Variants in RUFY4 observed in about 807,000 individuals in gnomAD.
RUFY4 encodes the protein RUN and FYVE domain-containing protein 4.
In RUFY4, 73 loss-of-function variants were observed where a neutral mutation model predicts 69.0. The ratio of observed to expected loss-of-function variants is 1.06; its 90% CI spans 0.88 to 1.29. The LOEUF (loss-of-function observed/expected upper bound fraction) is 1.29, where lower values mean the gene tolerates loss of function less well. Ranked by LOEUF, RUFY4 falls within the 50% of genes most tolerant of loss-of-function variation. RUFY4 has a pLI of 0.00. For synonymous variants in RUFY4, 287 were observed against 271.8 expected (o/e 1.06, Z -0.55); for missense variants, 770 against 705.6 (o/e 1.09, Z -1.03).
At chr2:218,066,014 G>T (rs1184543376), upstream of RUFY4, among the ~76,000 whole-genome samples, 1 of 151,952 alleles carries the variant, frequency 6.6e-6, no homozygotes, top group Admixed American at 6.6e-5. Context: ...GACAAGGGGG[G>T]TGGGGAAGGG....
intron 3 of RUFY4, chr2:218,061,044 T>C: frequency 1.5e-6 from 1 of 679,080 alleles, no homozygotes; most frequent in Non-Finnish European, 2.8e-6. Context: ...GTTGACTTCC[T>C]TCAGGAGCTA....
chr2:218,056,932 G>A, intron 2 of RUFY4, among the ~76,000 whole-genome samples: 1 of 152,134 alleles, frequency 6.6e-6, no homozygotes, highest in East Asian at 1.9e-4. Context: ...CTAAAAATTA[G>A]CCAGGCATGG....
rs116710266 is a variant in RUFY4, at chr2:218,089,993, A to G, written c.1655A>G (p.Tyr552Cys). 3,435 of 1,569,132 alleles carry G rather than the reference A, an allele frequency of 2.2e-3. 87 individuals carry two copies. In the African/African-American group the frequency reaches 0.04, roughly 18 times the overall value. Residue 552 changes from tyrosine (Y) to cysteine (C), a missense_variant, in exon 11 of 11, where the codon TAC becomes TGC. Coordinates refer to ENST00000344321, the Ensembl canonical transcript of RUFY4. ...CTCTGCCATGCTTGCTCCATGGATT[A>G]CAAGAAGAGAGACCGCTGCTGCCCA...
chr2:218,073,255 A>G (rs1309804023), exon 5 of RUFY4: 9 of 1,551,446 alleles, frequency 5.8e-6, no homozygotes, highest in South Asian at 1.2e-5. Context: ...AATGGTATGG[A>G]CCCCGGAGCC....
chr2:218,039,345 G>C (rs1959026923), intron 2 of RUFY4, among the ~76,000 whole-genome samples: 1 of 152,192 alleles, frequency 6.6e-6, no homozygotes, highest in African/African-American at 2.4e-5. Flanking sequence ...CCTGTGGTAT[G>C]AGTGTGTGAC....
At chr2:218,067,427 C>T (rs563628540), upstream of RUFY4, among the ~76,000 whole-genome samples, 1 of 152,320 alleles carries the variant, frequency 6.6e-6, no homozygotes, top group Admixed American at 6.5e-5. Context: ...GGGATCAGCA[C>T]CCAGTAGATG....
exon 3 of RUFY4, chr2:218,072,447 G>C: frequency 6.5e-7 from 1 of 1,537,374 alleles, no homozygotes; most frequent in Non-Finnish European, 8.7e-7. Flanking sequence ...ACTGCCCTAC[G>C]ACGGCAGCGG....
At chr2:218,083,338 C>T in intron 9 of RUFY4, 82 bp downstream of exon 11, 1 of 1,488,284 alleles carries the variant, frequency 6.7e-7, no homozygotes, top group Non-Finnish European at 9.0e-7. Context: ...AAATTCTACT[C>T]CACTCACAAC....
chr2:218,059,123 T>C (rs1285023688), intron 3 of RUFY4: 1 of 152,288 alleles, frequency 6.6e-6, no homozygotes, highest in African/African-American at 2.4e-5. Context: ...TGGAAGCTTT[T>C]GGTTGGAAGA....
At chr2:218,087,890 T>C (rs1201467646) in intron 9 of RUFY4, among the ~76,000 whole-genome samples, 1 of 151,958 alleles carries the variant, frequency 6.6e-6, no homozygotes, top group Non-Finnish European at 1.5e-5. Context: ...AATATAACTA[T>C]GTTAGGAGGG....
chr2:218,072,779 T>C, exon 4 of RUFY4: 1 of 1,523,554 alleles, frequency 6.6e-7, no homozygotes, highest in African/African-American at 1.4e-5. Context: ...CACTCTGCAG[T>C]TGAAGACCCC....
At chr2:218,083,420 C>T (rs2106070584) in intron 9 of RUFY4, among the ~76,000 whole-genome samples, 164 bp downstream of exon 11, 1 of 152,184 alleles carries the variant, frequency 6.6e-6, no homozygotes, top group East Asian at 1.9e-4. Context: ...CTGCTGTTAT[C>T]CCCATTTTAC....
chr2:218,075,071 TG>T (rs780731125), intron 6 of RUFY4, 21 bp from the exon 9 acceptor site: 8 of 1,489,818 alleles, frequency 5.4e-6, no homozygotes, highest in Non-Finnish European at 7.2e-6. Flanking sequence ...GAGGGATGAC[TG>T]GTTTTGGGTC....
In RUFY4 at chr2:218,047,880, T is replaced by A. The variant is rs1257606365; in HGVS notation, c.-1157-10715T>A. 2.0e-5 allele frequency among the ~76,000 whole-genome samples: 3 copies of A among 152,214 alleles called. No individual in the cohort carries two copies. The East Asian group carries it at 5.8e-4, about 29-fold the overall frequency. On this transcript the variant is annotated intron_variant and NMD_transcript_variant, in intron 2 of 13. Coordinates refer to the RUFY4 transcript ENST00000457754. ...CTTAATTTATATGTATATTTTCATATTTAATTTTAATCTATAAGTCTATCC... is the reference window on the plus strand; with the variant it reads ...CTTAATTTATATGTATATTTTCATAATTAATTTTAATCTATAAGTCTATCC...
intron 3 of RUFY4, chr2:218,060,353 A>T (rs1027379877): frequency 1.7e-5 from 26 of 1,539,546 alleles, no homozygotes; most frequent in Non-Finnish European, 2.1e-5. Context: ...AGAGTAGTGG[A>T]AGTGTGCCCT....
chr2:218,046,117 T>TTGATGTATA (rs1367718002), intron 2 of RUFY4, among the ~76,000 whole-genome samples: 1 of 152,092 alleles, frequency 6.6e-6, no homozygotes, highest in Non-Finnish European at 1.5e-5. Context: ...TAGTGATGTT[T>TTGATGTATA]TGATGTATAT....
intron 9 of RUFY4, among the ~76,000 whole-genome samples, chr2:218,083,972 C>A (rs1203566961): frequency 6.6e-6 from 1 of 152,048 alleles, no homozygotes; most frequent in South Asian, 2.1e-4. Flanking sequence ...TGCCTGCCCA[C>A]GGGACTTCCT....
intron 2 of RUFY4, among the ~76,000 whole-genome samples, chr2:218,056,930 T>C (rs903398318): frequency 6.6e-6 from 1 of 152,098 alleles, no homozygotes; most frequent in Non-Finnish European, 1.5e-5. Flanking sequence ...TACTAAAAAT[T>C]AGCCAGGCAT....
intron 2 of RUFY4, among the ~76,000 whole-genome samples, chr2:218,046,649 C>T (rs1051996035): frequency 6.6e-6 from 1 of 152,126 alleles, no homozygotes; most frequent in African/African-American, 2.4e-5. Context: ...TAACTGATAA[C>T]ATTATACCAG....
Sources: allele counts gnomAD v4.1 joint callset (sites outside exome capture counted in the v4.1 genomes callset), GRCh38; gene constraint gnomAD v4.1.1; transcripts MANE v1.5; gene names NCBI Gene and HGNC (gene_info 2026-07-23, HGNC 2026-07-21).